PLCG2: variants seen among roughly 807,000 people sequenced by gnomAD.
PLCG2 encodes the protein phospholipase C gamma 2, also known as 1-phosphatidylinositol 4,5-bisphosphate phosphodiesterase gamma-2.
In PLCG2, 69 loss-of-function variants were observed where a neutral mutation model predicts 175.6. That is an observed-to-expected ratio of 0.39 (90% CI 0.32 to 0.48). PLCG2 has a LOEUF of 0.48. Ranked by LOEUF, PLCG2 falls within the 20% of genes least tolerant of loss-of-function variation. The pLI is 0.91. For missense variants in PLCG2, 1,798 were observed against 1,650.9 expected, an observed-to-expected ratio of 1.09 and a Z score of -1.54; for synonymous variants, 827 against 624.0, an observed-to-expected ratio of 1.33 and a Z score of -4.85.
chr16:81,850,050 C>G (rs1190671287), intron 2 of PLCG2, among the ~76,000 whole-genome samples: 1 of 152,022 alleles, frequency 6.6e-6, no homozygotes, highest in Non-Finnish European at 1.5e-5. Flanking sequence ...AAGTCAAAGG[C>G]ACAAGAGAAA....
At chr16:81,843,815 A>G in intron 2 of PLCG2, among the ~76,000 whole-genome samples, 1 of 152,230 alleles carries the variant, frequency 6.6e-6, no homozygotes, top group East Asian at 1.9e-4. Context: ...CTGGGATGAA[A>G]GAAGAACTCA....
At chr16:81,803,072 A>G (rs1040607283) in intron 2 of PLCG2, among the ~76,000 whole-genome samples, 13 of 142,960 alleles carry the variant, frequency 9.1e-5, no homozygotes, top group African/African-American at 3.4e-4. Context: ...AGAGTTTCCT[A>G]TTCTGGACAT....
At position 81,870,916 on chromosome 16, in the gene PLCG2, T is replaced by C. The variant is rs201487295; in HGVS notation, c.629T>C (p.Met210Thr). Residue 210 changes from methionine (M) to threonine (T), a missense_variant, in exon 7 of 33, where the codon ATG (methionine) becomes ACG (threonine). Physicochemically the swap from Met to Thr is moderately conservative, Grantham distance 81. Coordinates refer to ENST00000564138, the MANE Select transcript of PLCG2 (RefSeq NM_002661.5). ...TTCCATCTCTTCTATAAAAAACTTA[T>C]GTTTGAACAGCAAAAATCGGTAAGA... Reference protein sequence around the residue: ...EQFHLFYKKLMFEQQKSILDE... With the variant: ...EQFHLFYKKLTFEQQKSILDE... The C allele has an allele frequency of 6.9e-6, 11 of 1,590,694 alleles. No homozygotes were observed. Among genetic ancestry groups the C allele is most frequent in the African/African-American group, 2.7e-5 (2 of 74,380 alleles).
At chr16:81,802,458 A>G (rs530733294) in intron 2 of PLCG2, among the ~76,000 whole-genome samples, 13 of 151,752 alleles carry the variant, frequency 8.6e-5, no homozygotes, top group Non-Finnish European at 1.8e-4. Flanking sequence ...AGCTTTTGCT[A>G]CCAAGTGTTC....
At chr16:81,761,685 C>T (rs143731256) in intron 2 of PLCG2, among the ~76,000 whole-genome samples, 40 of 152,308 alleles carry the variant, frequency 2.6e-4, no homozygotes, top group African/African-American at 9.4e-4. Flanking sequence ...AGAACCATAT[C>T]TAGCTCATTG....
chr16:81,880,826 C>CT (rs761672927), intron 7 of PLCG2, 84 bp from the exon 8 acceptor site: 29 of 1,286,296 alleles, frequency 2.3e-5, no homozygotes, highest in Non-Finnish European at 3.3e-5. Flanking sequence ...CAAAATGATG[C>CT]TTTTTTAACA....
At chr16:81,851,722 A>C (rs145022395) in intron 2 of PLCG2, among the ~76,000 whole-genome samples, 238 of 152,348 alleles carry the variant, frequency 1.6e-3, no homozygotes, top group African/African-American at 5.5e-3. Flanking sequence ...CTTGTTGGCC[A>C]GGCTGGTCTC....
intron 22 of PLCG2, among the ~76,000 whole-genome samples, chr16:81,925,315 G>C (rs1468176490): frequency 6.6e-6 from 1 of 152,120 alleles, no homozygotes; most frequent in Non-Finnish European, 1.5e-5. Flanking sequence ...GTAGCTAGGG[G>C]ACCAAACAAT....
At chr16:81,884,800 A>G (rs1908273283) in intron 9 of PLCG2, among the ~76,000 whole-genome samples, 1 of 152,216 alleles carries the variant, frequency 6.6e-6, no homozygotes. Context: ...GTCTTGCAGA[A>G]CATTTCAAAC....
chr16:81,810,779 T>C (rs1904311348), intron 2 of PLCG2, among the ~76,000 whole-genome samples: 1 of 152,166 alleles, frequency 6.6e-6, no homozygotes, highest in Admixed American at 6.5e-5. Context: ...GGCAAAGCAC[T>C]GTATTGAGTT....
chr16:81,958,874 A>AAGTT lies in PLCG2; in HGVS notation c.*879_*882dup, dbSNP rs1468869870. On this transcript the variant is annotated 3_prime_UTR_variant, in exon 33 of 33. Coordinates refer to ENST00000564138, the MANE Select transcript of PLCG2 (RefSeq NM_002661.5). ...ACTGCTGCTTGAAAGAGGTAGACAA[A>AAGTT]AGTTAGGTTGATGGCGAAATGTCTC... The AAGTT allele has an allele frequency of 9.1e-6, 2 of 219,082 alleles. No individual in the cohort carries two copies. Among genetic ancestry groups the AAGTT allele is most frequent in the South Asian group, 1.8e-4 (1 of 5,420 alleles). The allele number at this position is 219,082 out of a possible 1,614,324, so 13.6% of individuals were successfully genotyped here. A position where few individuals can be genotyped will look rare whatever the true frequency, so the allele number is the denominator to read the frequency against.
intron 2 of PLCG2, among the ~76,000 whole-genome samples, chr16:81,825,298 T>TG (rs1244027977): frequency 0.014 from 1,990 of 145,378 alleles, 11 homozygotes; most frequent in African/African-American, 0.022. Flanking sequence ...TTTTTTTTTT[T>TG]TTTTTTTTGA....
At chr16:81,743,009 G>A (rs879748288) in intron 1 of PLCG2, among the ~76,000 whole-genome samples, 3 of 152,172 alleles carry the variant, frequency 2.0e-5, no homozygotes, top group Admixed American at 1.3e-4. Flanking sequence ...ATCGACAGAA[G>A]AACCAGTCTA....
intron 21 of PLCG2, among the ~76,000 whole-genome samples, chr16:81,922,500 C>T (rs764709311): frequency 3.9e-5 from 6 of 152,242 alleles, no homozygotes; most frequent in Admixed American, 2.0e-4. Flanking sequence ...TCATTATACA[C>T]ATGATCTCAT....
chr16:81,831,772 G>C (rs7193093), intron 2 of PLCG2, among the ~76,000 whole-genome samples: 95,917 of 151,964 alleles, frequency 0.63, 30,764 homozygotes, highest in East Asian at 0.69. Flanking sequence ...ATCCTGCCTT[G>C]TCTGAAAGGG....
chr16:81,935,195 G>A (rs532196503), intron 26 of PLCG2, among the ~76,000 whole-genome samples: 1 of 152,130 alleles, frequency 6.6e-6, no homozygotes, highest in Non-Finnish European at 1.5e-5. Flanking sequence ...CCCTCCGGAG[G>A]GGAAAGCCAT....
At position 81,907,734 on chromosome 16, in the gene PLCG2, G is replaced by A; in HGVS notation, c.1517G>A (p.Ser506Asn). 2 of 1,614,030 alleles carry A rather than the reference G, an allele frequency of 1.2e-6. No homozygotes were observed. Among genetic ancestry groups the A allele is most frequent in the African/African-American group, 1.3e-5 (1 of 75,056 alleles). The change falls in exon 16 of 33, where the codon AGT becomes AAT. Residue 506 changes from serine to asparagine, a missense_variant. Physicochemically the swap from Ser to Asn is conservative, Grantham distance 46 (BLOSUM62 1). Coordinates refer to ENST00000564138, the MANE Select transcript of PLCG2 (RefSeq NM_002661.5). ...CAIADAKLSFSDDIEQTMEEE... is the reference protein window; with the variant it reads ...CAIADAKLSFNDDIEQTMEEE... ...ATTGCCGATGCCAAGCTGTCCTTCA[G>A]TGATGACATTGAACAGACTATGGAG...
chr16:81,818,131 G>C (rs4889406), intron 2 of PLCG2, among the ~76,000 whole-genome samples: 8,356 of 152,288 alleles, frequency 0.055, 254 homozygotes, highest in South Asian at 0.084. Context: ...GCTCTCGTGA[G>C]TATTCAGCCA....
rs148076046 is a variant in PLCG2, at chr16:81,958,948, G to T, written c.*950G>T. On this transcript the variant is annotated 3_prime_UTR_variant, in exon 33 of 33. Coordinates refer to ENST00000564138, the MANE Select transcript of PLCG2 (RefSeq NM_002661.5). ...AGCAAGCTGAGCTTTAATGGGCTAA[G>T]CATTAGGGTGTTACAGAAAATTTCA... The T allele has an allele frequency of 1.0e-3, 228 of 223,228 alleles. 2 individuals carry two copies. In the East Asian group the frequency reaches 0.014, roughly 14 times the overall value. 13.8% of individuals were successfully genotyped at this position (223,228 alleles called of 1,614,324 possible).
Sources: allele counts gnomAD v4.1 joint callset (sites outside exome capture counted in the v4.1 genomes callset), GRCh38; gene constraint gnomAD v4.1.1; transcripts MANE v1.5; gene names NCBI Gene and HGNC (gene_info 2026-07-23, HGNC 2026-07-21).